The following CDH6 variants were observed in gnomAD, a reference collection of about 807,000 sequenced individuals.
The protein encoded by CDH6 is cadherin 6.
CDH6 carries 31 observed loss-of-function variants against 78.0 expected under a neutral mutation model. That is an observed-to-expected ratio of 0.40 (90% confidence interval 0.30 to 0.54). The LOEUF (loss-of-function observed/expected upper bound fraction) is 0.54, where lower values mean the gene tolerates loss of function less well. Ranked by LOEUF, CDH6 falls within the 20% of genes least tolerant of loss-of-function variation. CDH6 has a pLI of 0.56. For missense variants in CDH6, 724 were observed against 975.9 expected (o/e 0.74, Z 3.44); for synonymous variants, 376 against 368.8 (o/e 1.02, Z -0.23).
At chr5:31,246,731 GTGTTT>G (rs146094450) in intron 1 of CDH6, among the ~76,000 whole-genome samples, 3,864 of 152,140 alleles carry the variant, frequency 0.025, 170 homozygotes, top group African/African-American at 0.087. Context: ...AGAGTTTTTT[GTGTTT>G]TGTTTTTTGT....
In CDH6 at chr5:31,294,069, C is replaced by T; in HGVS notation, c.336C>T (p.Ala112=). Reference sequence around the variant, plus strand: ...ATGAAAACACAGGCGACATACAGGCCACCAAGAGGCTGGACAGGGAAGAAA... The same window carrying T: ...ATGAAAACACAGGCGACATACAGGCTACCAAGAGGCTGGACAGGGAAGAAA... ...IINENTGDIQ[A]TKRLDREEKP... Residue 112 remains alanine (A), a synonymous_variant, in exon 3 of 12, where the codon GCC becomes GCT. Transcript: ENST00000265071. The surrounding 1 kb of genome is among the most constrained non-coding windows in gnomAD (Gnocchi z 4.1). 2 of 1,613,754 alleles carry T rather than the reference C, an allele frequency of 1.2e-6. No homozygotes were observed. Among genetic ancestry groups the T allele is most frequent in the Non-Finnish European group, 1.7e-6 (2 of 1,179,892 alleles).
At chr5:31,299,269 T>A (rs931199604) in intron 4 of CDH6, among the ~76,000 whole-genome samples, 195 bp from the exon 5 acceptor site, 35 of 152,206 alleles carry the variant, frequency 2.3e-4, no homozygotes, top group African/African-American at 8.0e-4. Context: ...AGGCTTTTTT[T>A]AATGTATCTA....
chr5:31,300,000 A>T (rs768323258), intron 5 of CDH6, among the ~76,000 whole-genome samples: 1 of 152,226 alleles, frequency 6.6e-6, no homozygotes, highest in South Asian at 2.1e-4. Context: ...CAGGCATGTA[A>T]TCTCTTTTAA....
intron 1 of CDH6, among the ~76,000 whole-genome samples, chr5:31,234,535 G>A (rs1741399857): frequency 6.6e-6 from 1 of 152,100 alleles, no homozygotes; most frequent in East Asian, 1.9e-4. Context: ...ATCCTATACA[G>A]CTGATAGGTG....
chr5:31,199,675 G>A (rs1239465677), intron 1 of CDH6, among the ~76,000 whole-genome samples: 2 of 72,922 alleles, frequency 2.7e-5, no homozygotes, highest in East Asian at 4.2e-4. Flanking sequence ...GTGTATGTGT[G>A]TGTGTGTGTG....
chr5:31,298,527 A>G (rs1257546012), intron 4 of CDH6, among the ~76,000 whole-genome samples: 2 of 152,230 alleles, frequency 1.3e-5, no homozygotes, highest in East Asian at 3.8e-4. Context: ...AGGCAGGACT[A>G]TAGGAATAAA....
intron 1 of CDH6, among the ~76,000 whole-genome samples, chr5:31,224,079 A>T (rs551816310): frequency 6.6e-5 from 10 of 152,342 alleles, no homozygotes; most frequent in African/African-American, 2.2e-4. Context: ...TAATAAAGAC[A>T]TACCTGAAAC....
intron 1 of CDH6, among the ~76,000 whole-genome samples, chr5:31,233,543 C>CT (rs1244444013): frequency 2.0e-5 from 3 of 150,252 alleles, no homozygotes; most frequent in Non-Finnish European, 3.0e-5. Context: ...AAAAACTTTG[C>CT]TTATCATATT....
At chr5:31,217,058 C>T (rs985098193) in intron 1 of CDH6, among the ~76,000 whole-genome samples, 1 of 151,896 alleles carries the variant, frequency 6.6e-6, no homozygotes, top group African/African-American at 2.4e-5. Context: ...GTAATTCAGC[C>T]CAGGGCGTGT....
chr5:31,257,943 C>A (rs966206867), intron 1 of CDH6, among the ~76,000 whole-genome samples: 2 of 152,182 alleles, frequency 1.3e-5, no homozygotes, highest in Non-Finnish European at 2.9e-5. Context: ...AGTTCTGCCA[C>A]TCACTAGCTA....
intron 6 of CDH6, 98 bp from the exon 7 acceptor site, chr5:31,305,076 A>G: frequency 1.7e-6 from 2 of 1,200,800 alleles, no homozygotes; most frequent in Non-Finnish European, 2.4e-6. Context: ...GATCGCATTC[A>G]TTTATCAGTG....
At chr5:31,322,488 T>C (rs1738498062) in intron 11 of CDH6, among the ~76,000 whole-genome samples, 2 of 152,194 alleles carry the variant, frequency 1.3e-5, no homozygotes, top group Admixed American at 1.3e-4. Context: ...TTGCAGTACT[T>C]TCACTGAGGC....
In CDH6 at chr5:31,316,303, G is replaced by T; in HGVS notation, c.1486G>T (p.Val496Phe). The change falls in exon 9 of 12, where the codon GTC (valine) becomes TTC (phenylalanine). Residue 496 changes from valine to phenylalanine, a missense_variant. By Grantham distance (50) the Val-to-Phe change is conservative (BLOSUM62 -1). This residue lies in a region of CDH6 where 446 missense variants were observed against 684.5 expected (regional missense o/e 0.65). Transcript: ENST00000265071. ...ATTTGCTGAGTTCTATGAAACTTTT[G>T]TCTGTGAAAAAGCAAAGGCAGATCA... ...PEFAEFYETF[V>F]CEKAKADQLI... 6.2e-7 allele frequency: 1 copy of T among 1,613,082 alleles called. No homozygotes were observed. Among genetic ancestry groups the T allele is most frequent in the Non-Finnish European group, 8.5e-7 (1 of 1,179,556 alleles).
intron 2 of CDH6, among the ~76,000 whole-genome samples, chr5:31,283,824 AT>A (rs58552142): frequency 1.4e-5 from 2 of 141,990 alleles, no homozygotes; most frequent in Non-Finnish European, 3.2e-5. Context: ...TCTTTTTTTT[AT>A]TTTTTTTAAG....
intron 6 of CDH6, among the ~76,000 whole-genome samples, chr5:31,302,793 AGAGAG>A (rs1561065924): frequency 2.3e-3 from 144 of 63,616 alleles, no homozygotes; most frequent in African/African-American, 6.4e-3. Context: ...AGAGAGAGAG[AGAGAG>A]AGAAAGAAAG....
At chr5:31,285,164 C>T (rs1441741052) in intron 2 of CDH6, among the ~76,000 whole-genome samples, 1 of 152,202 alleles carries the variant, frequency 6.6e-6, no homozygotes, top group Non-Finnish European at 1.5e-5. Flanking sequence ...TGTGACCCTG[C>T]AACTTACGGG....
intron 1 of CDH6, among the ~76,000 whole-genome samples, chr5:31,212,649 A>G (rs1343173956): frequency 6.6e-6 from 1 of 152,146 alleles, no homozygotes; most frequent in African/African-American, 2.4e-5. Flanking sequence ...TCTTGGCCTG[A>G]GGGTATTACT....
chr5:31,267,792 C>A, intron 2 of CDH6, 91 bp downstream of exon 2: 1 of 935,116 alleles, frequency 1.1e-6, no homozygotes, highest in Non-Finnish European at 1.7e-6. Context: ...GTACTATTCC[C>A]CAATATAGTA....
At position 31,253,228 on chromosome 5, in the gene CDH6, C is replaced by T. The variant is rs181563611; in HGVS notation, c.-128-14118C>T. Among the ~76,000 whole-genome samples, 5 of 152,320 alleles carry T rather than the reference C, an allele frequency of 3.3e-5. 2 individuals are homozygous for T. Among genetic ancestry groups the T allele is most frequent in the African/African-American group, 1.2e-4 (5 of 41,574 alleles). ...TGAATTGTAGTTCCCATAATCCCCA[C>T]ATGCCGTCGGAGGGACCCAGTGGGA... On this transcript the variant is annotated intron_variant, in intron 1 of 11. Coordinates refer to ENST00000265071, the MANE Select transcript of CDH6 (RefSeq NM_004932.4).
Sources: gnomAD v4.1 joint callset for allele counts (sites outside exome capture counted in the v4.1 genomes callset) on GRCh38, gnomAD v4.1.1 for gene constraint, gnomAD v4.1.1 regional missense constraint, Gnocchi (gnomAD v3.1) non-coding constraint, MANE v1.5 for transcripts, NCBI Gene and HGNC (gene_info 2026-07-23, HGNC 2026-07-21) for gene names.